Variants in FGF14 observed in about 807,000 individuals in gnomAD.
The protein encoded by FGF14 is fibroblast growth factor 14, also known as fibroblast growth factor homologous factor 4.
FGF14 carries 5 observed loss-of-function variants against 25.5 expected under a neutral mutation model. That is an observed-to-expected ratio of 0.20 (90% confidence interval 0.10 to 0.41). The LOEUF (loss-of-function observed/expected upper bound fraction) is 0.41. Ranked by LOEUF, FGF14 falls within the 10% of genes least tolerant of loss-of-function variation. The probability of loss-of-function intolerance (pLI) is 1.00; values close to 1 mark genes in which losing one functional copy is unlikely to be tolerated. For synonymous variants in FGF14, 138 were observed against 118.3 expected, an observed-to-expected ratio of 1.17 and a Z score of -1.08; for missense variants, 222 against 320.1, an observed-to-expected ratio of 0.69 and a Z score of 2.34.
intron 3 of FGF14, among the ~76,000 whole-genome samples, chr13:101,753,089 T>A (rs957237292): frequency 6.6e-6 from 1 of 152,112 alleles, no homozygotes; most frequent in South Asian, 2.1e-4. Flanking sequence ...GACCCCCTAA[T>A]AAAAGCAGGT....
intron 3 of FGF14, among the ~76,000 whole-genome samples, chr13:101,765,334 T>C (rs1751284220): frequency 6.6e-6 from 1 of 152,226 alleles, no homozygotes; most frequent in South Asian, 2.1e-4. Context: ...GTCAATTCAA[T>C]GCAGACCCTT....
intron 3 of FGF14, among the ~76,000 whole-genome samples, chr13:101,847,871 T>G (rs2043545168): frequency 6.6e-6 from 1 of 152,030 alleles, no homozygotes; most frequent in Non-Finnish European, 1.5e-5. Context: ...CAGGAAACGT[T>G]TAACAGAGCA....
At chr13:102,052,045 T>G (rs2042235106) in intron 1 of FGF14, among the ~76,000 whole-genome samples, 1 of 152,070 alleles carries the variant, frequency 6.6e-6, no homozygotes, top group Non-Finnish European at 1.5e-5. Context: ...CACAAAAAGT[T>G]TAACAGATTA....
intron 3 of FGF14, among the ~76,000 whole-genome samples, chr13:101,836,535 T>A (rs965538026): frequency 8.6e-5 from 13 of 151,890 alleles, no homozygotes; most frequent in Admixed American, 7.2e-4. Context: ...GGAAGTGGAG[T>A]AGAAGAAGAA....
At chr13:101,764,147 C>T (rs569605448) in intron 3 of FGF14, among the ~76,000 whole-genome samples, 83 of 152,184 alleles carry the variant, frequency 5.5e-4, no homozygotes, top group African/African-American at 1.6e-3. Context: ...ATAAAAAGCA[C>T]GGTAAATTTT....
At chr13:101,902,521 C>T (rs889557233) in intron 1 of FGF14, among the ~76,000 whole-genome samples, 4 of 152,170 alleles carry the variant, frequency 2.6e-5, no homozygotes, top group Non-Finnish European at 5.9e-5. Context: ...AAGATGCTTG[C>T]AGCCAATAGT....
chr13:101,778,331 C>A (rs577752228), intron 3 of FGF14, among the ~76,000 whole-genome samples: 1 of 152,224 alleles, frequency 6.6e-6, no homozygotes, highest in African/African-American at 2.4e-5. Context: ...CCAGTACAAC[C>A]CACACCATGT....
At position 101,721,672 on chromosome 13, in the gene FGF14, A is replaced by G. The variant is rs1334006298; in HGVS notation, c.*1159T>C. 1 of 152,114 alleles carries G rather than the reference A, an allele frequency of 6.6e-6. No homozygotes were observed. The highest frequency in any genetic ancestry group is 6.6e-5 in the Admixed American group (1 of 15,258). 9.4% of individuals were successfully genotyped at this position (152,114 alleles called of 1,614,324 possible). A position where few individuals can be genotyped will look rare whatever the true frequency, so the allele number is the denominator to read the frequency against. On this transcript the variant is annotated 3_prime_UTR_variant, in exon 5 of 5. Coordinates refer to ENST00000376143, the MANE Select transcript of FGF14 (RefSeq NM_004115.4). The stretch of plus-strand genomic sequence containing the variant: ...AATATTAAAGTCTAATTAATTTATA[A>G]CTAACGTTTGCATTGCTGCTGCAGG...
At chr13:102,327,973 G>A (rs1157960858) in intron 1 of FGF14, among the ~76,000 whole-genome samples, 4 of 65,348 alleles carry the variant, frequency 6.1e-5, no homozygotes, top group African/African-American at 2.5e-4. Flanking sequence ...AACCTGGAAG[G>A]ATCAAAAAAA....
intron 3 of FGF14, among the ~76,000 whole-genome samples, chr13:101,858,735 T>C: frequency 6.6e-6 from 1 of 152,124 alleles, no homozygotes; most frequent in East Asian, 1.9e-4. Context: ...TTTATGACTT[T>C]CTTCTTTGAC....
At chr13:101,798,878 C>T (rs1322148426) in intron 3 of FGF14, among the ~76,000 whole-genome samples, 1 of 152,138 alleles carries the variant, frequency 6.6e-6, no homozygotes, top group East Asian at 1.9e-4. Flanking sequence ...TCAGCTTCAT[C>T]AACGACCTTG....
chr13:102,067,720 G>C (rs1209217133), intron 1 of FGF14, among the ~76,000 whole-genome samples: 1 of 150,774 alleles, frequency 6.6e-6, no homozygotes, highest in East Asian at 1.9e-4. Flanking sequence ...GAGAGAGAGA[G>C]AGATTAGGGT....
chr13:102,027,942 G>A (rs2041015341), intron 1 of FGF14, among the ~76,000 whole-genome samples: 1 of 151,952 alleles, frequency 6.6e-6, no homozygotes, highest in Non-Finnish European at 1.5e-5. Flanking sequence ...GAAACCAATA[G>A]AAGTTTATGT....
chr13:101,745,235 T>C (rs2036810510), intron 3 of FGF14, among the ~76,000 whole-genome samples: 1 of 151,924 alleles, frequency 6.6e-6, no homozygotes, highest in Non-Finnish European at 1.5e-5. Context: ...CACAGAAAAA[T>C]TGAGCAGAGT....
At chr13:102,229,117 G>A (rs1335824889) in intron 1 of FGF14, among the ~76,000 whole-genome samples, 1 of 152,138 alleles carries the variant, frequency 6.6e-6, no homozygotes. Flanking sequence ...CTAACACGTA[G>A]AAGACCTAGA....
chr13:101,763,983 T>C (rs565614566), intron 3 of FGF14, among the ~76,000 whole-genome samples: 2 of 152,198 alleles, frequency 1.3e-5, no homozygotes, highest in South Asian at 2.1e-4. Context: ...TATGTATGCA[T>C]TTCCTTTTCC....
intron 1 of FGF14, among the ~76,000 whole-genome samples, chr13:102,269,895 T>G (rs1043122887): frequency 3.3e-5 from 5 of 152,128 alleles, no homozygotes; most frequent in African/African-American, 1.2e-4. Flanking sequence ...AAGGCCTGGT[T>G]AAGATGGTGT....
At chr13:102,103,204 T>A (rs2044742668) in intron 1 of FGF14, among the ~76,000 whole-genome samples, 1 of 151,992 alleles carries the variant, frequency 6.6e-6, no homozygotes, top group Admixed American at 6.6e-5. Flanking sequence ...ATACCAATGG[T>A]AAGTCACAGG....
intron 1 of FGF14, among the ~76,000 whole-genome samples, chr13:101,943,699 T>C (rs2139333345): frequency 6.6e-6 from 1 of 151,860 alleles, no homozygotes; most frequent in Admixed American, 6.6e-5. Context: ...AAAGGCTGGG[T>C]GCAGTGGCTC....
Sources: gnomAD v4.1 joint callset for allele counts (sites outside exome capture counted in the v4.1 genomes callset) on GRCh38, gnomAD v4.1.1 for gene constraint, MANE v1.5 for transcripts, NCBI Gene and HGNC (gene_info 2026-07-23, HGNC 2026-07-21) for gene names.